The following ZNF738 variants were observed in gnomAD, a reference collection of about 807,000 sequenced individuals.
The protein encoded by ZNF738 is protein ZNF738.
In ZNF738, 10 loss-of-function variants were observed where a neutral mutation model predicts 9.2. The observed-to-expected ratio is 1.09, with a 90% CI of 0.67 to 1.85. The LOEUF is 1.85. ZNF738 is among the 40% of genes most tolerant of loss of function. The pLI, the probability that ZNF738 is intolerant of heterozygous loss-of-function variation, is 0.00. For missense variants in ZNF738, 346 were observed against 283.6 expected (o/e 1.22, Z -1.58); for synonymous variants, 113 against 94.5 (o/e 1.20, Z -1.14).
At chr19:21,370,358 A>C (rs1162984208) in intron 2 of ZNF738, among the ~76,000 whole-genome samples, 1 of 152,018 alleles carries the variant, frequency 6.6e-6, no homozygotes, top group Non-Finnish European at 1.5e-5. Context: ...TTTTTGTTTT[A>C]TATTTGCCAG....
At chr19:21,367,373 G>T (rs548429523) in intron 2 of ZNF738, among the ~76,000 whole-genome samples, 8 of 152,224 alleles carry the variant, frequency 5.3e-5, no homozygotes, top group East Asian at 3.9e-4. Flanking sequence ...TTAAACAGTA[G>T]CTCAGACACA....
intron 4 of ZNF738, among the ~76,000 whole-genome samples, chr19:21,380,423 C>T (rs1599719744): frequency 2.6e-5 from 4 of 152,158 alleles, no homozygotes; most frequent in African/African-American, 9.7e-5. Context: ...CCCCACTCTC[C>T]CCTGGCCTGT....
intron 2 of ZNF738, chr19:21,372,524 A>G (rs567187131): frequency 7.9e-5 from 12 of 152,328 alleles, no homozygotes; most frequent in African/African-American, 2.9e-4. Context: ...AATAAACTAT[A>G]CATTTTAAGA....
chr19:21,360,851 C>T (rs1463162298), intron 1 of ZNF738, among the ~76,000 whole-genome samples: 1 of 145,250 alleles, frequency 6.9e-6, no homozygotes, highest in African/African-American at 2.6e-5. Context: ...TTTTTTGAGA[C>T]GGAGTTTCAC....
rs997854878 is a variant in ZNF738, at chr19:21,387,539, TGA to T, written c.*3869_*3870del. Among the ~76,000 whole-genome samples, 3 of 152,306 alleles carry T rather than the reference TGA, an allele frequency of 2.0e-5. No individual in the cohort carries two copies. The highest frequency in any genetic ancestry group is 1.3e-4 in the Admixed American group (2 of 15,296). On this transcript the variant is annotated 3_prime_UTR_variant, in exon 5 of 5. Coordinates refer to ENST00000683779, the MANE Select transcript of ZNF738 (RefSeq NM_001355237.2). ...TCATACTGGAAAGAAATCCTACAAG[TGA>T]GAGCAATGTGGCAAAACTTAACCAC...
intron 4 of ZNF738, among the ~76,000 whole-genome samples, chr19:21,380,171 TG>T (rs1014648915): frequency 4.6e-5 from 7 of 152,314 alleles, no homozygotes; most frequent in African/African-American, 1.7e-4. Flanking sequence ...AATTCTGGGT[TG>T]TTACAATGTC....
chr19:21,363,032 A>C (rs920316920), intron 2 of ZNF738, among the ~76,000 whole-genome samples: 2 of 152,130 alleles, frequency 1.3e-5, no homozygotes, highest in African/African-American at 4.8e-5. Context: ...TTGATTTCTG[A>C]GTTTTATGCT....
rs768914799 is a variant in ZNF738, at chr19:21,375,330, G to A, written c.189G>A (p.Val63=). ...CTCAGCAAGATTTGTATAGGAAAGT[G>A]ATGTTAGAGAACTTCAGAAACCTGG... ...DTAQQDLYRK[V]MLENFRNLVF... is the part of the protein sequence containing the mutation. Residue 63 remains valine (V), a synonymous_variant, in exon 3 of 5, where the codon GTG becomes GTA. Coordinates refer to ENST00000683779, the MANE Select transcript of ZNF738 (RefSeq NM_001355237.2). 1.9e-6 allele frequency: 2 copies of A among 1,026,228 alleles called. No individual in the cohort carries two copies. The highest frequency in any genetic ancestry group is 2.4e-5 in the East Asian group (1 of 41,834). 63.6% of individuals were successfully genotyped at this position (1,026,228 alleles called of 1,614,324 possible). A position where few individuals can be genotyped will look rare whatever the true frequency, so the allele number is the denominator to read the frequency against.
chr19:21,385,461 A>C lies in ZNF738; in HGVS notation c.*1787A>C, dbSNP rs1292384676. Reference sequence around the variant, plus strand: ...ACAGAGAGAGACTCTATCTCCAAAAAAATAAATAAATAAATAAAAAAAATA... The same window carrying C: ...ACAGAGAGAGACTCTATCTCCAAAACAATAAATAAATAAATAAAAAAAATA... On this transcript the variant is annotated 3_prime_UTR_variant, in exon 5 of 5. Transcript: ENST00000683779. Among the ~76,000 whole-genome samples the C allele has an allele frequency of 6.8e-6, 1 of 147,410 alleles. No homozygotes were observed. The highest frequency in any genetic ancestry group is 2.5e-5 in the African/African-American group (1 of 40,112).
At chr19:21,374,051 A>G (rs998093956) in intron 2 of ZNF738, among the ~76,000 whole-genome samples, 1 of 152,124 alleles carries the variant, frequency 6.6e-6, no homozygotes, top group African/African-American at 2.4e-5. Context: ...GATCTGCACT[A>G]TTAAAAGTGT....
intron 2 of ZNF738, among the ~76,000 whole-genome samples, chr19:21,362,365 CA>C (rs1973712575): frequency 6.6e-6 from 1 of 152,022 alleles, no homozygotes; most frequent in African/African-American, 2.4e-5. Context: ...AAAACAACAA[CA>C]AACTGACTCC....
rs73547713 is a variant in ZNF738, at chr19:21,376,051, G to A, written c.319+87G>A. 4,006 of 577,912 alleles carry A rather than the reference G, an allele frequency of 6.9e-3. 85 individuals carry two copies. Among genetic ancestry groups the A allele is most frequent in the African/African-American group, 0.049 (2,537 of 51,726 alleles). The allele number at this position is 577,912 out of a possible 1,614,324, so 35.8% of individuals were successfully genotyped here. A position where few individuals can be genotyped will look rare whatever the true frequency, so the allele number is the denominator to read the frequency against. ...AAAGCAGTCCCTATAATGTGATTTGGGAAGCTGTGTTCCAAAGCAAATAGA... is the reference window on the plus strand; with the variant it reads ...AAAGCAGTCCCTATAATGTGATTTGAGAAGCTGTGTTCCAAAGCAAATAGA... On this transcript the variant is annotated intron_variant, in intron 4 of 4. Coordinates refer to ENST00000683779, the MANE Select transcript of ZNF738 (RefSeq NM_001355237.2).
intron 2 of ZNF738, 81 bp from the exon 3 acceptor site, chr19:21,375,157 C>A: frequency 1.4e-6 from 1 of 730,352 alleles, no homozygotes; most frequent in Non-Finnish European, 2.2e-6. Context: ...ATTTTCTTTA[C>A]TCTCTCATTT....
chr19:21,364,444 T>C (rs796877277), intron 2 of ZNF738, among the ~76,000 whole-genome samples: 3 of 152,180 alleles, frequency 2.0e-5, no homozygotes, highest in African/African-American at 7.2e-5. Context: ...ATGGCTCAGA[T>C]TGAGGGTAGC....
At chr19:21,376,564 T>C (rs1221345726) in intron 4 of ZNF738, 2 of 152,818 alleles carry the variant, frequency 1.3e-5, no homozygotes, top group East Asian at 3.8e-4. Flanking sequence ...TTTTGTTTTT[T>C]GTTTTGAGAT....
chr19:21,381,505 T>C, intron 4 of ZNF738: 1 of 982,550 alleles, frequency 1.0e-6, no homozygotes, highest in Non-Finnish European at 1.6e-6. Flanking sequence ...CTTTTTCTTT[T>C]TTTTTCGAGA....
In ZNF738 at chr19:21,385,378, C is replaced by CCCAGGAGGTGGAGGTTG. The variant is rs1264818394; in HGVS notation, c.*1706_*1722dup. ...GGCCTAGGTGGGAGAATCGCTTGAA[C>CCCAGGAGGTGGAGGTTG]CCAGGAGGTGGAGGTTGCAGTGAGC... On this transcript the variant is annotated 3_prime_UTR_variant, in exon 5 of 5. Transcript: ENST00000683779. Among the ~76,000 whole-genome samples the CCCAGGAGGTGGAGGTTG allele has an allele frequency of 6.6e-6, 1 of 152,070 alleles. No individual in the cohort carries two copies. The highest frequency in any genetic ancestry group is 1.5e-5 in the Non-Finnish European group (1 of 67,996).
chr19:21,382,778 A>C (rs530559670), intron 4 of ZNF738, 88 bp from the exon 5 acceptor site: 16 of 248,120 alleles, frequency 6.4e-5, no homozygotes, highest in Non-Finnish European at 1.1e-4. Context: ...TTGTATATGT[A>C]GTTTGTATAA....
chr19:21,383,511 G>A lies in ZNF738; in HGVS notation c.965G>A (p.Gly322Asp). Residue 322 changes from glycine (G) to aspartate (D), a missense_variant, in exon 5 of 5, where the codon GGC becomes GAC. Coordinates refer to ENST00000683779, the MANE Select transcript of ZNF738 (RefSeq NM_001355237.2). ...GEKPYKCEGC[G>D]KAFCQFSYLT... is the part of the protein sequence containing the mutation. ...AAACCCTACAAATGTGAAGGATGTGGCAAAGCTTTCTGCCAATTCTCATAC... is the reference window on the plus strand; with the variant it reads ...AAACCCTACAAATGTGAAGGATGTGACAAAGCTTTCTGCCAATTCTCATAC... 2.2e-6 allele frequency: 2 copies of A among 890,062 alleles called. No homozygotes were observed. The highest frequency in any genetic ancestry group is 1.9e-6 in the Non-Finnish European group (1 of 538,420). The allele number at this position is 890,062 out of a possible 1,614,324, so 55.1% of individuals were successfully genotyped here.
Sources: gnomAD v4.1 joint callset for allele counts (sites outside exome capture counted in the v4.1 genomes callset) on GRCh38, gnomAD v4.1.1 for gene constraint, MANE v1.5 for transcripts, NCBI Gene and HGNC (gene_info 2026-07-23, HGNC 2026-07-21) for gene names.